Variants in ROBO2 observed in about 807,000 individuals in gnomAD.
ROBO2 encodes the protein roundabout homolog 2.
ROBO2 carries 53 observed loss-of-function variants against 160.8 expected under a neutral mutation model. The observed-to-expected ratio is 0.33, with a 90% confidence interval of 0.26 to 0.41. The LOEUF is 0.41. Ranked by LOEUF, ROBO2 falls within the 10% of genes least tolerant of loss-of-function variation. The pLI, the probability that ROBO2 is intolerant of heterozygous loss-of-function variation, is 1.00. For missense variants in ROBO2, 1,577 were observed against 1,722.4 expected (o/e 0.92, Z 1.49); for synonymous variants, 664 against 611.7 (o/e 1.09, Z -1.26).
chr3:76,868,387 G>A (rs570190594), intron 2 of ROBO2, among the ~76,000 whole-genome samples: 7 of 152,120 alleles, frequency 4.6e-5, no homozygotes, highest in African/African-American at 9.6e-5. Context: ...CTGAATGAAC[G>A]AGAATTGACC....
chr3:76,816,282 A>G (rs941873127), intron 2 of ROBO2, among the ~76,000 whole-genome samples: 7 of 152,084 alleles, frequency 4.6e-5, no homozygotes, highest in Non-Finnish European at 1.0e-4. Flanking sequence ...AGAATGCAAT[A>G]TGAAGTAACG....
At chr3:77,019,619 A>C (rs553234369) in intron 2 of ROBO2, among the ~76,000 whole-genome samples, 2 of 152,322 alleles carry the variant, frequency 1.3e-5, no homozygotes, top group South Asian at 4.1e-4. Flanking sequence ...AGGGAATTCC[A>C]TGAAAGGAAA....
intron 2 of ROBO2, among the ~76,000 whole-genome samples, chr3:77,192,772 A>G (rs974445464): frequency 1.4e-5 from 2 of 148,030 alleles, no homozygotes; most frequent in East Asian, 4.0e-4. Context: ...CAGCCCCCCA[A>G]GTAGCTGGGA....
At chr3:77,507,980 A>G (rs980414250) in intron 5 of ROBO2, among the ~76,000 whole-genome samples, 1 of 152,048 alleles carries the variant, frequency 6.6e-6, no homozygotes, top group Non-Finnish European at 1.5e-5. Context: ...AGAGTGTTGC[A>G]TATTAAGGAC....
chr3:77,394,128 G>A (rs2153503722), intron 2 of ROBO2, among the ~76,000 whole-genome samples: 1 of 152,212 alleles, frequency 6.6e-6, no homozygotes, highest in South Asian at 2.1e-4. Context: ...TAACTTCAAA[G>A]CGGCAAGCAT....
intron 2 of ROBO2, among the ~76,000 whole-genome samples, chr3:76,963,833 C>T (rs1211867648): frequency 1.3e-5 from 1 of 75,212 alleles, no homozygotes; most frequent in African/African-American, 7.2e-5. Context: ...CTATGAGGAA[C>T]TGCAAAAAAA....
At chr3:77,340,578 T>C (rs2066957411) in intron 2 of ROBO2, among the ~76,000 whole-genome samples, 1 of 152,134 alleles carries the variant, frequency 6.6e-6, no homozygotes, top group Admixed American at 6.6e-5. Flanking sequence ...AGAAATATAA[T>C]TCAGATCTTT....
At chr3:77,430,631 C>T (rs2078671633) in intron 2 of ROBO2, among the ~76,000 whole-genome samples, 2 of 151,878 alleles carry the variant, frequency 1.3e-5, no homozygotes, top group South Asian at 2.1e-4. Context: ...TAAAGGAGGC[C>T]CCAGAGAGCT....
chr3:76,860,527 GTTGACTCCATTGTTT>G (rs1280907257), intron 2 of ROBO2, among the ~76,000 whole-genome samples: 1 of 152,040 alleles, frequency 6.6e-6, no homozygotes, highest in African/African-American at 2.4e-5. Flanking sequence ...TCCAAAAATA[GTTGACTCCATTGTTT>G]TCAGGTTTTC....
At chr3:77,552,772 A>G (rs2092965567) in intron 8 of ROBO2, among the ~76,000 whole-genome samples, 1 of 152,040 alleles carries the variant, frequency 6.6e-6, no homozygotes, top group South Asian at 2.1e-4. Context: ...CTAAATATGT[A>G]CACACATGTT....
intron 2 of ROBO2, among the ~76,000 whole-genome samples, chr3:76,354,009 T>C (rs901832640): frequency 6.6e-6 from 1 of 151,926 alleles, no homozygotes; most frequent in Non-Finnish European, 1.5e-5. Flanking sequence ...TGATTGAGAA[T>C]AGCAACATTA....
intron 2 of ROBO2, among the ~76,000 whole-genome samples, chr3:76,947,184 A>C (rs963068230): frequency 6.6e-6 from 1 of 152,160 alleles, no homozygotes; most frequent in East Asian, 1.9e-4. Context: ...TTACATTAGA[A>C]TAATAGTCCC....
intron 2 of ROBO2, among the ~76,000 whole-genome samples, chr3:76,118,832 C>G (rs1392313465): frequency 6.6e-6 from 1 of 152,134 alleles, no homozygotes; most frequent in Non-Finnish European, 1.5e-5. Context: ...ACTTCTAGTA[C>G]TACCATCAGT....
chr3:76,106,978 A>G (rs765277705), intron 2 of ROBO2, among the ~76,000 whole-genome samples: 1 of 152,164 alleles, frequency 6.6e-6, no homozygotes, highest in African/African-American at 2.4e-5. Context: ...GTGTAGGTGT[A>G]GATATATCTC....
rs1453117098 is a variant in ROBO2 at position 77,577,368 on chromosome 3, G to A, written c.2204-122G>A. On this transcript the variant is annotated intron_variant, in intron 14 of 25. Transcript: ENST00000461745. ...AAACTGTCACTGTTGAACACCGTGT[G>A]CATTCAGAACTCCTGGAAGCCAGAG... The A allele has an allele frequency of 7.0e-6, 8 of 1,146,006 alleles. No homozygotes were observed. The East Asian group carries it at 1.9e-4, about 27-fold the overall frequency. 71.0% of individuals were successfully genotyped at this position (1,146,006 alleles called of 1,614,324 possible). A position where few individuals can be genotyped will look rare whatever the true frequency, so the allele number is the denominator to read the frequency against.
intron 2 of ROBO2, among the ~76,000 whole-genome samples, chr3:76,216,486 C>CA (rs1703539894): frequency 6.6e-6 from 1 of 151,996 alleles, no homozygotes; most frequent in Non-Finnish European, 1.5e-5. Context: ...AAATGGAAAA[C>CA]AGAAAAAGAC....
At chr3:77,634,917 T>C (rs1241403005) in exon 24 of ROBO2, 1 of 1,614,056 alleles carries the variant, frequency 6.2e-7, no homozygotes, top group African/African-American at 1.3e-5. Flanking sequence ...CAGCCCATTT[T>C]CTACTGACAG....
At position 76,375,454 on chromosome 3, in the gene ROBO2, C is replaced by A. The variant is rs936695041; in HGVS notation, c.109+437852C>A. Among the ~76,000 whole-genome samples the A allele has an allele frequency of 2.6e-5, 4 of 151,892 alleles. No homozygotes were observed. In the South Asian group the frequency reaches 8.3e-4, roughly 31 times the overall value. Reference sequence around the variant, plus strand: ...TCATCTAATAAACATTTATTGAGCACCTTCTATATATGAAGCCCTGAGGCA... The same window carrying A: ...TCATCTAATAAACATTTATTGAGCAACTTCTATATATGAAGCCCTGAGGCA... On this transcript the variant is annotated intron_variant, in intron 2 of 26. Coordinates refer to the ROBO2 transcript ENST00000487694.
chr3:75,912,950 C>T (rs1946662072), intron 1 of ROBO2, among the ~76,000 whole-genome samples: 1 of 152,036 alleles, frequency 6.6e-6, no homozygotes, highest in Admixed American at 6.6e-5. Flanking sequence ...AACAAATTAC[C>T]ACACATTTAA....
Sources: gnomAD v4.1 joint callset for allele counts (sites outside exome capture counted in the v4.1 genomes callset) on GRCh38, gnomAD v4.1.1 for gene constraint, MANE v1.5 for transcripts, NCBI Gene and HGNC (gene_info 2026-07-23, HGNC 2026-07-21) for gene names.